The following TRPM7 variants were observed in gnomAD, a reference collection of about 807,000 sequenced individuals.
The protein encoded by TRPM7 is LTRPC ion channel family member 7.
TRPM7 carries 134 observed loss-of-function variants against 229.7 expected under a neutral mutation model. The observed-to-expected ratio is 0.58, with a 90% confidence interval of 0.51 to 0.67. TRPM7 has a LOEUF of 0.67. TRPM7 is among the 30% of genes least tolerant of loss of function. TRPM7 has a pLI of 0.00. For missense variants in TRPM7, 1,901 were observed against 2,210.0 expected (o/e 0.86, Z 2.80); for synonymous variants, 699 against 715.2 (o/e 0.98, Z 0.36).
intron 22 of TRPM7, among the ~76,000 whole-genome samples, chr15:50,598,828 C>T (rs548907438): frequency 2.0e-5 from 3 of 152,236 alleles, no homozygotes; most frequent in African/African-American, 7.2e-5. Context: ...ATGAATTAAC[C>T]AACCCTAAAG....
chr15:50,664,242 G>C (rs2061819305), intron 1 of TRPM7, among the ~76,000 whole-genome samples: 1 of 149,920 alleles, frequency 6.7e-6, no homozygotes, highest in South Asian at 2.1e-4. Context: ...CCAGGGAGTC[G>C]GAGGTTGCAG....
At chr15:50,632,345 A>C (rs539983561) in intron 9 of TRPM7, among the ~76,000 whole-genome samples, 1 of 152,286 alleles carries the variant, frequency 6.6e-6, no homozygotes, top group East Asian at 1.9e-4. Flanking sequence ...ATTATTATAC[A>C]AAATTTTTGG....
At position 50,637,484 on chromosome 15, in the gene TRPM7, C is replaced by T; in HGVS notation, c.770G>A (p.Gly257Glu). ...TTCTCTTCTCAGTCTGACTTCCGCC[C>T]CATACTTTCCAACAGTGCCATCATC... ...LVDDGTVGKYGAEVRLRRELE... is the reference protein window; with the variant it reads ...LVDDGTVGKYEAEVRLRRELE... Residue 257 changes from glycine (G) to glutamate (E), a missense_variant, in exon 7 of 39, where the codon GGG becomes GAG. Transcript: ENST00000646667. 1.2e-6 allele frequency: 2 copies of T among 1,613,960 alleles called. No individual in the cohort carries two copies. The highest frequency in any genetic ancestry group is 1.3e-5 in the African/African-American group (1 of 75,028).
At chr15:50,677,756 A>C (rs898244013) in intron 1 of TRPM7, among the ~76,000 whole-genome samples, 5 of 150,288 alleles carry the variant, frequency 3.3e-5, no homozygotes, top group South Asian at 2.1e-4. Flanking sequence ...AAAAAAAAAA[A>C]AAAACAAAAG....
At chr15:50,623,054 T>G (rs2060455223) in intron 12 of TRPM7, among the ~76,000 whole-genome samples, 1 of 152,170 alleles carries the variant, frequency 6.6e-6, no homozygotes, top group Non-Finnish European at 1.5e-5. Context: ...TTTCAATAAA[T>G]GGGTTATTAG....
At chr15:50,674,575 A>G (rs1038916425) in intron 1 of TRPM7, among the ~76,000 whole-genome samples, 2 of 152,204 alleles carry the variant, frequency 1.3e-5, no homozygotes, top group African/African-American at 4.8e-5. Context: ...TGATTTGCAT[A>G]CCACCATTAT....
intron 5 of TRPM7, 95 bp from the exon 6 acceptor site, chr15:50,639,643 TG>T (rs2061027891): frequency 1.7e-6 from 2 of 1,152,824 alleles, no homozygotes; most frequent in Admixed American, 4.6e-5. Context: ...GACAGCTCAC[TG>T]CAGCCTCAAA....
At chr15:50,622,973 T>G (rs928160044) in intron 12 of TRPM7, among the ~76,000 whole-genome samples, 1 of 152,192 alleles carries the variant, frequency 6.6e-6, no homozygotes, top group Non-Finnish European at 1.5e-5. Flanking sequence ...ATAATTGTAC[T>G]TAACTATGCC....
At chr15:50,627,980 C>T (rs1417975098) in intron 11 of TRPM7, among the ~76,000 whole-genome samples, 169 bp downstream of exon 11, 1 of 152,170 alleles carries the variant, frequency 6.6e-6, no homozygotes, top group East Asian at 1.9e-4. Flanking sequence ...TATCTAGAGG[C>T]ATACATTAAA....
rs747532758 is a variant in TRPM7, at chr15:50,639,544, C to A, written c.540G>T (p.Val180=). Residue 180 remains valine (V), a synonymous_variant, in exon 6 of 39, where the codon GTG becomes GTT. Transcript: ENST00000646667. ...TGAGGGCATCTCCAACATGTTTTGC[C>A]ACACCTGTTCATAAAAAAAGTTTAT... ...WILTGGVNTG[V]AKHVGDALKE... 1.1e-5 allele frequency: 18 copies of A among 1,598,810 alleles called. No homozygotes were observed. The highest frequency in any genetic ancestry group is 1.4e-5 in the Non-Finnish European group (17 of 1,174,658).
chr15:50,599,586 G>C (rs1189933556), intron 21 of TRPM7: 3 of 226,034 alleles, frequency 1.3e-5, no homozygotes, highest in Non-Finnish European at 2.6e-5. Context: ...CTATCTCTGT[G>C]GTACGTGAAG....
At chr15:50,684,898 G>A (rs117929930) in intron 1 of TRPM7, among the ~76,000 whole-genome samples, 2 of 152,096 alleles carry the variant, frequency 1.3e-5, no homozygotes, top group Non-Finnish European at 2.9e-5. Context: ...TAAAACATGA[G>A]ACAATCAGGG....
chr15:50,575,790 C>T lies in TRPM7; in HGVS notation c.4670-1G>A. On this transcript the variant is annotated splice_acceptor_variant, in intron 32 of 38. Coordinates refer to ENST00000646667, the MANE Select transcript of TRPM7 (RefSeq NM_017672.6). LOFTEE classifies it high-confidence loss of function. ...CTCATCAAGTTATTTCTTTCCACAGCTGCATAAAAATGAGAGAGAAATAAT... is the reference window on the plus strand; with the variant it reads ...CTCATCAAGTTATTTCTTTCCACAGTTGCATAAAAATGAGAGAGAAATAAT... 1 of 1,613,412 alleles carries T rather than the reference C, an allele frequency of 6.2e-7. No individual in the cohort carries two copies. Among genetic ancestry groups the T allele is most frequent in the Non-Finnish European group, 8.5e-7 (1 of 1,179,706 alleles).
intron 1 of TRPM7, among the ~76,000 whole-genome samples, chr15:50,685,764 G>C (rs1037488838): frequency 3.3e-5 from 5 of 152,118 alleles, no homozygotes; most frequent in African/African-American, 1.2e-4. Flanking sequence ...TCTATCGGAA[G>C]CTGCAATGCA....
intron 33 of TRPM7, 73 bp downstream of exon 33, chr15:50,575,651 C>T (rs2054095478): frequency 1.5e-6 from 2 of 1,293,218 alleles, no homozygotes; most frequent in Non-Finnish European, 2.2e-6. Context: ...ATCCCACCCA[C>T]ATTCTATATT....
chr15:50,655,337 G>A (rs2061531555), intron 3 of TRPM7, among the ~76,000 whole-genome samples: 1 of 151,262 alleles, frequency 6.6e-6, no homozygotes, highest in South Asian at 2.1e-4. Context: ...GATGGCTGAG[G>A]CAGGAGAATT....
chr15:50,672,898 C>CAAAAAAAAA (rs35153596), intron 1 of TRPM7, among the ~76,000 whole-genome samples: 3 of 26,220 alleles, frequency 1.1e-4, no homozygotes, highest in African/African-American at 3.9e-4. Flanking sequence ...GACTCTGTCT[C>CAAAAAAAAA]AAAAAAAAAA....
At chr15:50,635,847 C>T (rs1442215489) in intron 7 of TRPM7, among the ~76,000 whole-genome samples, 2 of 150,992 alleles carry the variant, frequency 1.3e-5, no homozygotes, top group African/African-American at 2.4e-5. Flanking sequence ...GGCGTGGTGG[C>T]GAGTGCCTGT....
chr15:50,632,533 T>A (rs901096543), intron 9 of TRPM7, among the ~76,000 whole-genome samples: 7 of 152,140 alleles, frequency 4.6e-5, no homozygotes, highest in African/African-American at 1.7e-4. Flanking sequence ...ATTAAAAATT[T>A]TTTTCCAAAC....
Sources: allele counts gnomAD v4.1 joint callset (sites outside exome capture counted in the v4.1 genomes callset), GRCh38; gene constraint gnomAD v4.1.1; transcripts MANE v1.5; gene names NCBI Gene and HGNC (gene_info 2026-07-23, HGNC 2026-07-21).